The following PLEKHA6 variants were observed in gnomAD, a reference collection of about 807,000 sequenced individuals.
PLEKHA6 encodes the protein pleckstrin homology domain containing A6, also known as pleckstrin homology domain-containing family A member 6.
A neutral mutation model predicts 116.7 loss-of-function variants in PLEKHA6; 60 were observed. That is an observed-to-expected ratio of 0.51 (90% CI 0.42 to 0.64). The LOEUF (loss-of-function observed/expected upper bound fraction) is 0.64. Among genes scored for constraint, PLEKHA6 ranks in the 30% least tolerant of loss-of-function variants. The pLI is 0.00. For synonymous variants in PLEKHA6, 489 were observed against 556.1 expected (o/e 0.88, Z 1.70); for missense variants, 1,338 against 1,422.7 (o/e 0.94, Z 0.96).
chr1:204,268,374 A>G, intron 3 of PLEKHA6, 62 bp from the exon 4 acceptor site: 9 of 1,197,200 alleles, frequency 7.5e-6, no homozygotes, highest in Non-Finnish European at 9.5e-6. Context: ...TTTATCTGCA[A>G]GGGAGCCACC....
intron 1 of PLEKHA6, among the ~76,000 whole-genome samples, chr1:204,358,515 G>GC (rs1673477309): frequency 6.6e-6 from 1 of 152,180 alleles, no homozygotes; most frequent in South Asian, 2.1e-4. Flanking sequence ...TGCCCGCAGT[G>GC]CCCCCGCACC....
Position 204,261,588 on chromosome 1 carries a change from G to A in PLEKHA6, c.382-140C>T, listed in dbSNP as rs1246411368. On this transcript the variant is annotated intron_variant, in intron 6 of 22. Coordinates refer to ENST00000272203, the MANE Select transcript of PLEKHA6 (RefSeq NM_014935.5). This position sits in a 1 kb window ranked among gnomAD's most constrained non-coding sequence, Gnocchi z 4.0. ...CTGCACCTGGGGCTCTTCCCCATGC[G>A]GAGCTCAGGAGCAAGGTGAAGAGGG... The A allele has an allele frequency of 1.5e-5, 14 of 913,132 alleles. No homozygotes were observed. The highest frequency in any genetic ancestry group is 3.5e-5 in the South Asian group (2 of 56,650). 56.6% of individuals were successfully genotyped at this position (913,132 alleles called of 1,614,324 possible).
rs557799908 is a variant in PLEKHA6, at chr1:204,267,612, C to T, written c.208-65G>A. ...TGGACGTGGACGAGGAGATGGGATGCAGGGAAAAGGGCACAGTGCCAATTA... is the reference window on the plus strand; with the variant it reads ...TGGACGTGGACGAGGAGATGGGATGTAGGGAAAAGGGCACAGTGCCAATTA... On this transcript the variant is annotated intron_variant, in intron 4 of 22. Transcript: ENST00000272203. 3.6e-6 allele frequency: 5 copies of T among 1,382,234 alleles called. No individual in the cohort carries two copies. The African/African-American group carries it at 5.7e-5, about 16-fold the overall frequency. The allele number at this position is 1,382,234 out of a possible 1,614,324, so 85.6% of individuals were successfully genotyped here.
chr1:204,241,669 A>T lies in PLEKHA6; in HGVS notation c.2302+16T>A. 1 of 1,565,570 alleles carries T rather than the reference A, an allele frequency of 6.4e-7. No individual in the cohort carries two copies. Among genetic ancestry groups the T allele is most frequent in the South Asian group, 1.2e-5 (1 of 81,712 alleles). ...ATCCTTGCCTTACTTCTAGGGGAAG[A>T]TGGGACAGAAAGTACCTTTGTTGAG... On this transcript the variant is annotated intron_variant, in intron 16 of 22. Transcript: ENST00000272203.
chr1:204,358,441 T>A (rs575082691), intron 1 of PLEKHA6, among the ~76,000 whole-genome samples: 2 of 152,298 alleles, frequency 1.3e-5, no homozygotes, highest in Admixed American at 1.3e-4. Context: ...ACAGGAGCCC[T>A]CCTCAGTTTC....
chr1:204,351,048 A>T (rs951298896), intron 1 of PLEKHA6, among the ~76,000 whole-genome samples: 1 of 151,972 alleles, frequency 6.6e-6, no homozygotes, highest in Non-Finnish European at 1.5e-5. Flanking sequence ...CTAACCGGTT[A>T]CCCGGGCAAC....
chr1:204,357,699 G>A (rs914137968), intron 1 of PLEKHA6, among the ~76,000 whole-genome samples: 2 of 152,234 alleles, frequency 1.3e-5, no homozygotes, highest in Non-Finnish European at 2.9e-5. Flanking sequence ...TGAGGAAGAC[G>A]ATGAGGAAAT....
At chr1:204,332,453 G>A (rs968685956) in intron 1 of PLEKHA6, among the ~76,000 whole-genome samples, 4 of 152,122 alleles carry the variant, frequency 2.6e-5, no homozygotes, top group Non-Finnish European at 4.4e-5. Flanking sequence ...TCGGCTCACT[G>A]CAACTTCCAC....
At chr1:204,241,836 A>G (rs1558043105) in intron 15 of PLEKHA6, 22 bp from the exon 16 acceptor site, 4 of 1,613,600 alleles carry the variant, frequency 2.5e-6, no homozygotes, top group Admixed American at 1.7e-5. Context: ...GGGTGAGAAG[A>G]TGGTTGATGT....
chr1:204,371,862 AG>A (rs1673784879), intron 1 of PLEKHA6, among the ~76,000 whole-genome samples: 1 of 152,244 alleles, frequency 6.6e-6, no homozygotes, highest in South Asian at 2.1e-4. Context: ...ATAAAAAGAT[AG>A]CTGCAATACA....
intron 1 of PLEKHA6, among the ~76,000 whole-genome samples, chr1:204,299,279 G>A (rs1406744407): frequency 6.6e-6 from 1 of 152,216 alleles, no homozygotes; most frequent in Non-Finnish European, 1.5e-5. Context: ...GAAAGCACTG[G>A]GAATTTTGTC....
intron 1 of PLEKHA6, chr1:204,320,368 C>T (rs949194110): frequency 1.0e-5 from 4 of 391,290 alleles, no homozygotes; most frequent in Non-Finnish European, 1.4e-5. Context: ...CTGGTGCCAG[C>T]AGGGCCCTGA....
intron 1 of PLEKHA6, 105 bp downstream of exon 1, chr1:204,359,589 G>A: frequency 1.0e-6 from 1 of 984,558 alleles, no homozygotes; most frequent in Non-Finnish European, 1.2e-6. Flanking sequence ...GCTCCGCAGT[G>A]CAAGCAGCCC....
chr1:204,234,946 A>G (rs1661735268), intron 17 of PLEKHA6, among the ~76,000 whole-genome samples: 1 of 115,360 alleles, frequency 8.7e-6, no homozygotes, highest in Non-Finnish European at 1.8e-5. Context: ...TACTTAATAA[A>G]CTGCCCTTTA....
At chr1:204,373,765 AC>A (rs1480979391) in intron 1 of PLEKHA6, among the ~76,000 whole-genome samples, 2 of 152,124 alleles carry the variant, frequency 1.3e-5, no homozygotes, top group African/African-American at 4.8e-5. Context: ...AAGGTTGGAC[AC>A]CTGCTACAGG....
At chr1:204,340,789 G>A (rs570521326) in intron 1 of PLEKHA6, among the ~76,000 whole-genome samples, 238 of 152,314 alleles carry the variant, frequency 1.6e-3, no homozygotes, top group Non-Finnish European at 2.7e-3. Context: ...GTTATGGGAG[G>A]AAAGAAACAG....
At chr1:204,272,998 C>T (rs1372843415) in intron 3 of PLEKHA6, among the ~76,000 whole-genome samples, 1 of 152,196 alleles carries the variant, frequency 6.6e-6, no homozygotes, top group African/African-American at 2.4e-5. Context: ...CTGCCTTCTG[C>T]TCTTCTCACA....
intron 17 of PLEKHA6, among the ~76,000 whole-genome samples, chr1:204,233,171 C>CTT (rs144754011): frequency 1.5e-5 from 2 of 137,108 alleles, no homozygotes; most frequent in Non-Finnish European, 3.1e-5. Context: ...TTCTTTCTTT[C>CTT]TTTTTTTTTC....
At chr1:204,330,727 G>C (rs564927199) in intron 1 of PLEKHA6, among the ~76,000 whole-genome samples, 10 of 151,314 alleles carry the variant, frequency 6.6e-5, no homozygotes, top group Non-Finnish European at 1.2e-4. Context: ...CAGTGCTACC[G>C]AAGAGGAAGC....
Sources: allele counts gnomAD v4.1 joint callset (sites outside exome capture counted in the v4.1 genomes callset), GRCh38; gene constraint gnomAD v4.1.1; non-coding constraint Gnocchi (gnomAD v3.1); transcripts MANE v1.5; gene names NCBI Gene and HGNC (gene_info 2026-07-23, HGNC 2026-07-21).